Variants in PAK1 observed in about 807,000 individuals in gnomAD.
PAK1 encodes serine/threonine-protein kinase PAK 1.
PAK1 carries 29 observed loss-of-function variants against 67.4 expected under a neutral mutation model. The ratio of observed to expected loss-of-function variants is 0.43; its 90% CI spans 0.32 to 0.59. The LOEUF is 0.59. Ranked by LOEUF, PAK1 falls within the 20% of genes least tolerant of loss-of-function variation. The pLI is 0.07. For synonymous variants in PAK1, 223 were observed against 237.4 expected (o/e 0.94, Z 0.56); for missense variants, 337 against 670.7 (o/e 0.50, Z 5.50).
intron 6 of PAK1, 50 bp from the exon 7 acceptor site, chr11:77,355,892 G>C: frequency 8.3e-7 from 1 of 1,206,954 alleles, no homozygotes; most frequent in Non-Finnish European, 1.2e-6. Flanking sequence ...GTTAGCATAG[G>C]GGAACCTCTC....
At chr11:77,528,906 C>T in the PAK1 span, among the ~76,000 whole-genome samples, 1 of 152,174 alleles carries the variant, frequency 6.6e-6, no homozygotes, top group Non-Finnish European at 1.5e-5. Flanking sequence ...ATACTTCCTA[C>T]TACATCATAT....
At chr11:77,499,274 T>C in the PAK1 span, among the ~76,000 whole-genome samples, 1 of 152,136 alleles carries the variant, frequency 6.6e-6, no homozygotes, top group Non-Finnish European at 1.5e-5. Context: ...TGTTACCCAG[T>C]CTGGTCTTGA....
At chr11:77,450,488 CAAATCCTTATGATTAAAGACTAGA>C (rs1306575790) in intron 1 of PAK1, among the ~76,000 whole-genome samples, 1 of 152,144 alleles carries the variant, frequency 6.6e-6, no homozygotes, top group Non-Finnish European at 1.5e-5. Flanking sequence ...TGAAATCCTG[CAAATCCTTATGATTAAAGACTAGA>C]AAATCCTTGT....
intron 8 of PAK1, 56 bp from the exon 9 acceptor site, chr11:77,349,343 A>C (rs1158707627): frequency 7.3e-7 from 1 of 1,371,176 alleles, no homozygotes; most frequent in East Asian, 2.4e-5. Flanking sequence ...CAATAAAGTG[A>C]TATTTGTCAA....
At chr11:77,455,913 C>G (rs1462928454) in intron 1 of PAK1, 2 of 152,118 alleles carry the variant, frequency 1.3e-5, no homozygotes, top group Non-Finnish European at 2.9e-5. Flanking sequence ...GGAGACTGAG[C>G]TCTGAAGAAT....
the PAK1 span, among the ~76,000 whole-genome samples, chr11:77,524,190 A>T: frequency 3.4e-4 from 52 of 152,372 alleles, no homozygotes; most frequent in African/African-American, 1.1e-3. Flanking sequence ...GCTGTTTAAA[A>T]TGATCCATTA....
At chr11:77,381,367 G>A (rs1949813986) in intron 2 of PAK1, among the ~76,000 whole-genome samples, 1 of 152,060 alleles carries the variant, frequency 6.6e-6, no homozygotes, top group Admixed American at 6.6e-5. Flanking sequence ...GTTTTAAATA[G>A]GTATTTCATA....
At chr11:77,414,203 A>G (rs920444901) in intron 1 of PAK1, among the ~76,000 whole-genome samples, 2 of 152,248 alleles carry the variant, frequency 1.3e-5, no homozygotes, top group African/African-American at 4.8e-5. Context: ...CTTCTCCAAG[A>G]TAAATACTCC....
At chr11:77,528,936 G>A in the PAK1 span, among the ~76,000 whole-genome samples, 1 of 152,118 alleles carries the variant, frequency 6.6e-6, no homozygotes. Context: ...ATTAATGTCT[G>A]GCTGTCCCAC....
the PAK1 span, among the ~76,000 whole-genome samples, chr11:77,527,128 G>A: frequency 6.6e-6 from 1 of 152,096 alleles, no homozygotes; most frequent in Non-Finnish European, 1.5e-5. Flanking sequence ...TTCGAGACGG[G>A]TTCTCACTCT....
At chr11:77,493,445 ATTT>A in the PAK1 span, among the ~76,000 whole-genome samples, 5 of 70,946 alleles carry the variant, frequency 7.0e-5, no homozygotes, top group African/African-American at 2.8e-4. Context: ...TGCCCAGCTA[ATTT>A]TTTTTTTTTT....
At chr11:77,477,547 A>G (rs1161573082), upstream of PAK1, among the ~76,000 whole-genome samples, 1 of 104,152 alleles carries the variant, frequency 9.6e-6, no homozygotes, top group Non-Finnish European at 1.9e-5. Flanking sequence ...GCAAGATAAC[A>G]TGACAAAACA....
chr11:77,421,390 C>T (rs538009207), intron 1 of PAK1, among the ~76,000 whole-genome samples: 2 of 152,328 alleles, frequency 1.3e-5, no homozygotes, highest in Middle Eastern at 3.4e-3. Flanking sequence ...CCTAACCAAT[C>T]TTTATAAAAT....
chr11:77,344,038 C>G (rs1427339685), intron 9 of PAK1, 107 bp from the exon 10 acceptor site: 2 of 741,502 alleles, frequency 2.7e-6, no homozygotes, highest in Non-Finnish European at 4.8e-6. Flanking sequence ...GAGTAAGATA[C>G]AGTCTTAGCC....
chr11:77,428,469 G>A (rs975033253), intron 1 of PAK1, among the ~76,000 whole-genome samples: 1 of 152,022 alleles, frequency 6.6e-6, no homozygotes, highest in African/African-American at 2.4e-5. Context: ...CTACTCGGGA[G>A]GCTGAGGCAG....
chr11:77,343,955 G>C (rs553880118), intron 9 of PAK1, 24 bp from the exon 10 acceptor site: 2 of 1,473,504 alleles, frequency 1.4e-6, no homozygotes, highest in Non-Finnish European at 1.9e-6. Flanking sequence ...TATATTCAAT[G>C]TGCAACCATA....
chr11:77,481,351 G>C, the PAK1 span, among the ~76,000 whole-genome samples: 1 of 151,992 alleles, frequency 6.6e-6, no homozygotes, highest in Non-Finnish European at 1.5e-5. Context: ...CTGTTGTTAG[G>C]CCTGTGATTT....
At chr11:77,464,491 A>ATGTCTGTAT (rs1957502701) in intron 1 of PAK1, among the ~76,000 whole-genome samples, 2 of 152,240 alleles carry the variant, frequency 1.3e-5, no homozygotes, top group Admixed American at 1.3e-4. Context: ...GACAAGGACC[A>ATGTCTGTAT]TGTCTGTATT....
intron 5 of PAK1, among the ~76,000 whole-genome samples, chr11:77,365,385 C>T (rs796308432): frequency 2.0e-5 from 3 of 148,294 alleles, no homozygotes; most frequent in African/African-American, 5.0e-5. Context: ...ATAAAGCACA[C>T]CAGCATACAT....
Sources: allele counts gnomAD v4.1 joint callset (sites outside exome capture counted in the v4.1 genomes callset), GRCh38; gene constraint gnomAD v4.1.1; transcripts MANE v1.5; gene names NCBI Gene and HGNC (gene_info 2026-07-23, HGNC 2026-07-21).